RELN: variants seen among roughly 807,000 people sequenced by gnomAD.
RELN encodes reelin.
Under a neutral mutation model 427.6 loss-of-function variants are expected in RELN, and 108 were observed. The ratio of observed to expected loss-of-function variants is 0.25; its 90% confidence interval spans 0.22 to 0.30. RELN has a LOEUF of 0.30. RELN is among the 10% of genes least tolerant of loss of function. RELN has a pLI of 1.00. For missense variants in RELN, 3,715 were observed against 4,302.8 expected (o/e 0.86, Z 3.82); for synonymous variants, 1,524 against 1,513.4 (o/e 1.01, Z -0.16).
intron 8 of RELN, among the ~76,000 whole-genome samples, chr7:103,706,272 A>G (rs1201390294): frequency 6.6e-6 from 1 of 152,112 alleles, no homozygotes; most frequent in African/African-American, 2.4e-5. Flanking sequence ...AAGACAGATT[A>G]GGATAAAGAG....
At position 103,495,764 on chromosome 7, in the gene RELN, G is replaced by C. The variant is rs775535057; in HGVS notation, c.9328C>G (p.Arg3110Gly). The C allele has an allele frequency of 5.6e-6, 9 of 1,613,920 alleles. No individual in the cohort carries two copies. Among genetic ancestry groups the C allele is most frequent in the Middle Eastern group, 1.7e-4 (1 of 6,058 alleles). Reference sequence around the variant, plus strand: ...TATCCTGGCTGTATAATGAGTTCTCGGGAGGAGAGAGCATTGTGAGTCTTG... The same window carrying C: ...TATCCTGGCTGTATAATGAGTTCTCCGGAGGAGAGAGCATTGTGAGTCTTG... ...KDKTHNALSS[R>G]ELIIQPGYMM... Residue 3110 changes from arginine to glycine, a missense_variant, in exon 57 of 65, where the codon CGA becomes GGA. Coordinates refer to ENST00000428762, the MANE Select transcript of RELN (RefSeq NM_005045.4).
intron 49 of RELN, among the ~76,000 whole-genome samples, chr7:103,517,373 T>C (rs1337453534): frequency 6.6e-6 from 1 of 152,220 alleles, no homozygotes; most frequent in Admixed American, 6.5e-5. Flanking sequence ...CTCTGATAAG[T>C]CTTTGACCAC....
At chr7:103,628,731 T>C (rs1832384474) in intron 20 of RELN, among the ~76,000 whole-genome samples, 1 of 152,232 alleles carries the variant, frequency 6.6e-6, no homozygotes, top group Non-Finnish European at 1.5e-5. Context: ...AGGAATTAAA[T>C]TGGTCTGACC....
At chr7:103,578,767 A>G (rs1831060128) in intron 28 of RELN, among the ~76,000 whole-genome samples, 1 of 152,216 alleles carries the variant, frequency 6.6e-6, no homozygotes, top group Non-Finnish European at 1.5e-5. Flanking sequence ...AGTTAAGTTA[A>G]TAAGTATGTC....
intron 3 of RELN, among the ~76,000 whole-genome samples, chr7:103,777,209 G>A (rs1188982303): frequency 6.6e-5 from 10 of 151,956 alleles, no homozygotes; most frequent in South Asian, 2.1e-4. Context: ...TCAAAGCTGC[G>A]TACAAGGACT....
intron 36 of RELN, among the ~76,000 whole-genome samples, chr7:103,559,701 T>A (rs990132129): frequency 2.0e-5 from 3 of 152,140 alleles, no homozygotes; most frequent in Admixed American, 6.5e-5. Flanking sequence ...CAGCCCCCAC[T>A]GTAGCTGGGA....
chr7:103,910,703 C>T lies in RELN; in HGVS notation c.337+6372G>A, dbSNP rs564526038. Among the ~76,000 whole-genome samples the T allele has an allele frequency of 2.4e-4, 32 of 132,412 alleles. 1 individual carries two copies. The highest frequency in any genetic ancestry group is 6.9e-4 in the African/African-American group (23 of 33,410). 86.9% of individuals were successfully genotyped at this position (132,412 alleles called of 152,430 possible). ...GAGCCCTCAGAAATAACGCCACATA[C>T]CTACAACTATCTGATCTTTGACAAA... On this transcript the variant is annotated intron_variant, in intron 2 of 64. Transcript: ENST00000428762.
At chr7:103,856,834 T>C (rs748073467) in intron 2 of RELN, among the ~76,000 whole-genome samples, 5 of 152,144 alleles carry the variant, frequency 3.3e-5, no homozygotes, top group Non-Finnish European at 5.9e-5. Flanking sequence ...CATGCATGCA[T>C]AATTATATAT....
intron 3 of RELN, among the ~76,000 whole-genome samples, chr7:103,822,182 G>A (rs959943645): frequency 2.1e-4 from 32 of 151,562 alleles, no homozygotes; most frequent in African/African-American, 7.5e-4. Context: ...ACTTTGTGAT[G>A]ACAAAGTTTT....
chr7:103,698,254 G>A (rs2115782384), intron 9 of RELN, among the ~76,000 whole-genome samples, 161 bp from the exon 10 acceptor site: 1 of 152,206 alleles, frequency 6.6e-6, no homozygotes, highest in East Asian at 1.9e-4. Flanking sequence ...TTTAATATTT[G>A]CTGACTATTA....
chr7:103,805,770 T>C (rs2116324729), intron 3 of RELN, among the ~76,000 whole-genome samples: 2 of 152,304 alleles, frequency 1.3e-5, no homozygotes, highest in East Asian at 3.9e-4. Context: ...TAAGCCAAAT[T>C]GTTGGCTTTT....
intron 63 of RELN, among the ~76,000 whole-genome samples, chr7:103,481,389 T>A (rs1050684117): frequency 1.3e-5 from 2 of 152,214 alleles, no homozygotes; most frequent in Non-Finnish European, 1.5e-5. Flanking sequence ...TTGGTAATGC[T>A]TTGTCAGGCA....
intron 11 of RELN, among the ~76,000 whole-genome samples, chr7:103,677,900 T>C (rs1401247531): frequency 6.6e-6 from 1 of 151,822 alleles, no homozygotes; most frequent in Non-Finnish European, 1.5e-5. Flanking sequence ...CCTTTTGTAG[T>C]GTCTTCATTC....
At chr7:103,561,347 C>T (rs935989676) in intron 36 of RELN, among the ~76,000 whole-genome samples, 185 bp downstream of exon 36, 1 of 152,050 alleles carries the variant, frequency 6.6e-6, no homozygotes, top group Admixed American at 6.6e-5. Context: ...AAATTTTATG[C>T]CCAAGTAATC....
At chr7:103,926,909 T>C (rs975835484) in intron 1 of RELN, among the ~76,000 whole-genome samples, 1 of 152,146 alleles carries the variant, frequency 6.6e-6, no homozygotes, top group Admixed American at 6.5e-5. Context: ...CCTCCCAAAG[T>C]GCTGGGATTA....
At chr7:103,902,267 T>C (rs112166336) in intron 2 of RELN, among the ~76,000 whole-genome samples, 70 of 152,178 alleles carry the variant, frequency 4.6e-4, no homozygotes, top group African/African-American at 1.7e-3. Flanking sequence ...TCTGTTTTTG[T>C]TATTATTGAA....
At chr7:103,576,172 A>C (rs1259711715) in intron 28 of RELN, among the ~76,000 whole-genome samples, 2 of 152,186 alleles carry the variant, frequency 1.3e-5, no homozygotes, top group Admixed American at 6.5e-5. Flanking sequence ...CAGAGGATGC[A>C]GTGAGCTGGG....
intron 2 of RELN, among the ~76,000 whole-genome samples, chr7:103,846,465 A>G (rs147543561): frequency 6.6e-6 from 1 of 152,226 alleles, no homozygotes; most frequent in African/African-American, 2.4e-5. Flanking sequence ...ACCTAAAACC[A>G]TAAAAATCCT....
At chr7:103,732,137 A>G (rs1156591579) in intron 6 of RELN, among the ~76,000 whole-genome samples, 1 of 152,160 alleles carries the variant, frequency 6.6e-6, no homozygotes, top group African/African-American at 2.4e-5. Context: ...TTTCAGAGAA[A>G]GGAGATTGGG....
Sources: gnomAD v4.1 joint callset for allele counts (sites outside exome capture counted in the v4.1 genomes callset) on GRCh38, gnomAD v4.1.1 for gene constraint, MANE v1.5 for transcripts, NCBI Gene and HGNC (gene_info 2026-07-23, HGNC 2026-07-21) for gene names.